IPO13: variants seen among roughly 807,000 people sequenced by gnomAD.
IPO13 encodes the protein importin-13.
In IPO13, 28 loss-of-function variants were observed where a neutral mutation model predicts 115.5. That is an observed-to-expected ratio of 0.24 (90% confidence interval 0.18 to 0.33). The LOEUF is 0.33. Among genes scored for constraint, IPO13 ranks in the 10% least tolerant of loss-of-function variants. The probability of loss-of-function intolerance (pLI) is 1.00; values close to 1 mark genes in which losing one functional copy is unlikely to be tolerated. For synonymous variants in IPO13, 414 were observed against 478.9 expected (o/e 0.86, Z 1.77); for missense variants, 785 against 1,204.6 (o/e 0.65, Z 5.16).
At chr1:43,954,576 A>G (rs2486013) in intron 2 of IPO13, among the ~76,000 whole-genome samples, 132,616 of 152,138 alleles carry the variant, frequency 0.87, 58,239 homozygotes, top group Non-Finnish European at 0.93. Context: ...GATCCCCGCT[A>G]TTAGAGTGTG....
In IPO13 at chr1:43,958,381, C is replaced by A; in HGVS notation, c.1750-80C>A. On this transcript the variant is annotated intron_variant, in intron 9 of 19. Transcript: ENST00000372343. The surrounding 1 kb of genome is among the most constrained non-coding windows in gnomAD (Gnocchi z 6.3). The stretch of plus-strand genomic sequence containing the variant: ...CTCTTATCCCTTATTCTCTGTTTTT[C>A]TTCTCCCAAGAGGCTCATTTTCCTT... 1 of 1,610,130 alleles carries A rather than the reference C, an allele frequency of 6.2e-7. No homozygotes were observed. The highest frequency in any genetic ancestry group is 8.5e-7 in the Non-Finnish European group (1 of 1,177,296).
intron 2 of IPO13, among the ~76,000 whole-genome samples, chr1:43,953,843 G>A (rs1308463623): frequency 1.3e-5 from 2 of 152,232 alleles, no homozygotes; most frequent in African/African-American, 4.8e-5. Flanking sequence ...TATGGGCTGA[G>A]ACGTACATAA....
rs200723873 is a variant in IPO13, at chr1:43,967,036, G to A, written c.2613+17G>A. ...GTGCTGGAGGTGAGACGGAGCAAAG[G>A]GGGGTTTGATGGGGGTGAGGGCCCC... On this transcript the variant is annotated intron_variant, in intron 18 of 19. Coordinates refer to ENST00000372343, the MANE Select transcript of IPO13 (RefSeq NM_014652.4). This position sits in a 1 kb window ranked among gnomAD's most constrained non-coding sequence, Gnocchi z 6.1. 1.6e-5 allele frequency: 25 copies of A among 1,612,384 alleles called. No individual in the cohort carries two copies. Among genetic ancestry groups the A allele is most frequent in the Non-Finnish European group, 2.1e-5 (25 of 1,178,654 alleles).
chr1:43,957,755 C>G (rs568461145), intron 7 of IPO13, among the ~76,000 whole-genome samples: 25 of 152,230 alleles, frequency 1.6e-4, no homozygotes, highest in Non-Finnish European at 3.1e-4. Context: ...AGTTTACCGT[C>G]AGTGAAACAG....
At chr1:43,960,386 G>A in intron 12 of IPO13, 57 bp downstream of exon 12, 3 of 1,466,012 alleles carry the variant, frequency 2.0e-6, no homozygotes, top group Non-Finnish European at 2.9e-6. Flanking sequence ...GTGTAGCAGG[G>A]TAAGATGTTA....
chr1:43,951,588 A>C (rs114570764), intron 2 of IPO13, among the ~76,000 whole-genome samples: 331 of 152,312 alleles, frequency 2.2e-3, no homozygotes, highest in African/African-American at 7.8e-3. Flanking sequence ...ACCTTGGCCA[A>C]GTTTAAGATT....
intron 11 of IPO13, 123 bp downstream of exon 11, chr1:43,959,012 G>A (rs755663525): frequency 1.1e-5 from 10 of 951,256 alleles, no homozygotes; most frequent in Admixed American, 2.4e-5. Context: ...TCCCTGCCCC[G>A]TGGGCGTGAT....
intron 2 of IPO13, among the ~76,000 whole-genome samples, chr1:43,954,754 T>C (rs758620227): frequency 1.3e-5 from 2 of 152,202 alleles, no homozygotes; most frequent in Non-Finnish European, 2.9e-5. Flanking sequence ...TTTTTTCTCA[T>C]TCAACACTTT....
Position 43,966,771 on chromosome 1 carries a change from T to G in IPO13, c.2512T>G (p.Cys838Gly). 2 of 1,614,176 alleles carry G rather than the reference T, an allele frequency of 1.2e-6. No homozygotes were observed. Among genetic ancestry groups the G allele is most frequent in the Non-Finnish European group, 1.7e-6 (2 of 1,180,008 alleles). Residue 838 changes from cysteine to glycine, a missense_variant, in exon 17 of 20, where the codon TGT becomes GGT. Physicochemically the swap from Cys to Gly is radical, Grantham distance 159 (BLOSUM62 -3). This residue lies in a region of IPO13 where 285 missense variants were observed against 394.8 expected (regional missense o/e 0.72). Coordinates refer to ENST00000372343, the MANE Select transcript of IPO13 (RefSeq NM_014652.4). This position sits in a 1 kb window ranked among gnomAD's most constrained non-coding sequence, Gnocchi z 4.1. ...TGAGGCACCTACTGTCAAGGCCTCCTGTGGCTTCTTTGTGAGTCCCATGCT... is the reference window on the plus strand; with the variant it reads ...TGAGGCACCTACTGTCAAGGCCTCCGGTGGCTTCTTTGTGAGTCCCATGCT... ...FPEAPTVKAS[C>G]GFFTELLPRC...
intron 14 of IPO13, among the ~76,000 whole-genome samples, chr1:43,962,904 T>G (rs1044401708): frequency 6.6e-6 from 1 of 152,236 alleles, no homozygotes; most frequent in African/African-American, 2.4e-5. Context: ...GTGCCCAGAA[T>G]GAGGCCAGAA....
chr1:43,961,353 C>T (rs576449133), intron 14 of IPO13, 91 bp downstream of exon 14: 133 of 1,011,698 alleles, frequency 1.3e-4, no homozygotes, highest in Non-Finnish European at 1.9e-4. Context: ...CTCTGTTCTT[C>T]TCTGTCCCCT....
intron 14 of IPO13, among the ~76,000 whole-genome samples, chr1:43,962,677 C>G (rs564614607): frequency 2.0e-5 from 3 of 152,238 alleles, no homozygotes; most frequent in Non-Finnish European, 4.4e-5. Flanking sequence ...TGAACTCTCA[C>G]TCCTTCATGC....
intron 2 of IPO13, among the ~76,000 whole-genome samples, 156 bp downstream of exon 2, chr1:43,950,309 C>G (rs1174092553): frequency 6.6e-6 from 1 of 152,236 alleles, no homozygotes; most frequent in Non-Finnish European, 1.5e-5. Context: ...TCCCTGTCCT[C>G]ATGGTTCAGA....
rs1344899464 is a variant in IPO13 at position 43,966,975 on chromosome 1, G to T, written c.2569G>T (p.Val857Leu). 1 of 1,613,908 alleles carries T rather than the reference G, an allele frequency of 6.2e-7. No individual in the cohort carries two copies. Among genetic ancestry groups the T allele is most frequent in the Admixed American group, 1.7e-5 (1 of 60,028 alleles). The change falls in exon 18 of 20, where the codon GTG becomes TTG. Residue 857 changes from valine to leucine, a missense_variant. Val to Leu is a conservative substitution (Grantham distance 32). Coordinates refer to ENST00000372343, the MANE Select transcript of IPO13 (RefSeq NM_014652.4). This position sits in a 1 kb window ranked among gnomAD's most constrained non-coding sequence, Gnocchi z 4.1. The stretch of plus-strand genomic sequence containing the variant: ...TGGGGAAGTAGAGTCTGTGGGAAAG[G>T]TGGTACAGGAAGACGGTCGTATGCT... ...RCGEVESVGK[V>L]VQEDGRMLLI...
Position 43,958,319 on chromosome 1 carries a change from C to T in IPO13, c.1749+51C>T, listed in dbSNP as rs147506811. 83 of 1,612,344 alleles carry T rather than the reference C, an allele frequency of 5.1e-5. No individual in the cohort carries two copies. In the African/African-American group the frequency reaches 1.1e-3, roughly 21 times the overall value. ...CTCCTTGGAGGTCTTGTGGGAATCACTTATCCCTGAAATCCTGTTTTTTGG... is the reference window on the plus strand; with the variant it reads ...CTCCTTGGAGGTCTTGTGGGAATCATTTATCCCTGAAATCCTGTTTTTTGG... On this transcript the variant is annotated intron_variant, in intron 9 of 19. Transcript: ENST00000372343. The surrounding 1 kb of genome is among the most constrained non-coding windows in gnomAD (Gnocchi z 6.3).
At position 43,956,427 on chromosome 1, in the gene IPO13, G is replaced by A; in HGVS notation, c.929G>A (p.Arg310His). ...ATGGAGACCTCCCATGGCATCTGTC[G>A]CATCGCTGTGGCCCTGGGCGAGAAC... ...GDMETSHGICRIAVALGENHS... is the reference protein window; with the variant it reads ...GDMETSHGICHIAVALGENHS... The change falls in exon 3 of 20, where the codon CGC (arginine) becomes CAC (histidine). Residue 310 changes from arginine (R) to histidine (H), a missense_variant. Arg to His is a conservative substitution (Grantham distance 29, BLOSUM62 0). Around this residue, in one of 3 missense-constraint regions of IPO13, gnomAD observed 325 missense variants for 449.8 expected, o/e 0.72. Coordinates refer to ENST00000372343, the MANE Select transcript of IPO13 (RefSeq NM_014652.4). This position sits in a 1 kb window ranked among gnomAD's most constrained non-coding sequence, Gnocchi z 4.7. The A allele has an allele frequency of 4.3e-6, 7 of 1,614,196 alleles. No homozygotes were observed. Among genetic ancestry groups the A allele is most frequent in the Non-Finnish European group, 5.9e-6 (7 of 1,180,052 alleles).
chr1:43,958,617 G>C lies in IPO13; in HGVS notation c.1884+22G>C, dbSNP rs111839659. On this transcript the variant is annotated intron_variant, in intron 10 of 19. Coordinates refer to ENST00000372343, the MANE Select transcript of IPO13 (RefSeq NM_014652.4). This position sits in a 1 kb window ranked among gnomAD's most constrained non-coding sequence, Gnocchi z 6.3. ...GATAGTGAGTGAGCTCTGGGGGCCA[G>C]GGAGCGGTACTGAGATGCTGTGGCT... 327 of 1,613,982 alleles carry C rather than the reference G, an allele frequency of 2.0e-4. 1 individual carries two copies. In the African/African-American group the frequency reaches 3.5e-3, roughly 17 times the overall value.
In IPO13 at chr1:43,960,976, C is replaced by T; in HGVS notation, c.2210C>T (p.Thr737Ile). The T allele has an allele frequency of 6.2e-7, 1 of 1,614,206 alleles. No homozygotes were observed. The highest frequency in any genetic ancestry group is 8.5e-7 in the Non-Finnish European group (1 of 1,180,032). Residue 737 changes from threonine to isoleucine, a missense_variant, in exon 13 of 20, where the codon ACC becomes ATC. Physicochemically the swap from Thr to Ile is moderately conservative, Grantham distance 89. Coordinates refer to ENST00000372343, the MANE Select transcript of IPO13 (RefSeq NM_014652.4). ...LCEMLGRMYSTIPQASALDLT... is the reference protein window; with the variant it reads ...LCEMLGRMYSIIPQASALDLT... ...GAGATGCTGGGTCGGATGTACAGCA[C>T]CATCCCCCAGGCCTCTGCTCTTGAC...
chr1:43,964,827 C>T lies in IPO13; in HGVS notation c.2397+506C>T, dbSNP rs1446361484. 2.0e-5 allele frequency among the ~76,000 whole-genome samples: 3 copies of T among 152,164 alleles called. No homozygotes were observed. The East Asian group carries it at 5.8e-4, about 29-fold the overall frequency. ...TTGGGCTGTTGGAGAGGTTGAGCTG[C>T]TGCTAGGAGGTGGAGTGCAGGCTCC... is the stretch of plus-strand genomic sequence containing the variant. On this transcript the variant is annotated intron_variant, in intron 15 of 19. Coordinates refer to ENST00000372343, the MANE Select transcript of IPO13 (RefSeq NM_014652.4).
Sources: gnomAD v4.1 joint callset for allele counts (sites outside exome capture counted in the v4.1 genomes callset) on GRCh38, gnomAD v4.1.1 for gene constraint, gnomAD v4.1.1 regional missense constraint, Gnocchi (gnomAD v3.1) non-coding constraint, MANE v1.5 for transcripts, NCBI Gene and HGNC (gene_info 2026-07-23, HGNC 2026-07-21) for gene names.